Variants in ACAA1 observed in about 807,000 individuals in gnomAD.
ACAA1 encodes the protein 3-ketoacyl-CoA thiolase, peroxisomal.
ACAA1 carries 44 observed loss-of-function variants against 48.8 expected under a neutral mutation model. That is an observed-to-expected ratio of 0.90 (90% CI 0.71 to 1.16). The LOEUF is 1.16. ACAA1 is among the 50% of genes most tolerant of loss of function. The pLI is 0.00. For missense variants in ACAA1, 512 were observed against 562.3 expected (o/e 0.91, Z 0.90); for synonymous variants, 233 against 226.5 (o/e 1.03, Z -0.26).
In ACAA1 at chr3:38,131,908, C is replaced by T; in HGVS notation, c.403+18G>A. 6.2e-7 allele frequency: 1 copy of T among 1,609,652 alleles called. No individual in the cohort carries two copies. Among genetic ancestry groups the T allele is most frequent in the Non-Finnish European group, 8.5e-7 (1 of 1,176,132 alleles). ...CCCACAGGTCCAGGACCAAGGCACC[C>T]ACCCAGTCATAACTTACCTGCTATG... On this transcript the variant is annotated intron_variant, in intron 4 of 11. Coordinates refer to ENST00000333167, the MANE Select transcript of ACAA1 (RefSeq NM_001607.4).
chr3:38,130,225 T>C (rs1027569325), intron 5 of ACAA1, among the ~76,000 whole-genome samples: 3 of 152,220 alleles, frequency 2.0e-5, no homozygotes, highest in Non-Finnish European at 4.4e-5. Context: ...ACAGATAACC[T>C]TGACTGAGTG....
intron 2 of ACAA1, 59 bp downstream of exon 2, chr3:38,136,533 G>A (rs1559480596): frequency 1.9e-6 from 3 of 1,592,814 alleles, no homozygotes; most frequent in African/African-American, 1.3e-5. Flanking sequence ...GGTGAGGAGA[G>A]CTCTGGACGA....
rs773070608 is a variant in ACAA1, at chr3:38,127,819, T to G, written c.593A>C (p.Lys198Thr). ...GGAAGCCAGGGCAAAGGTATCCTGC[T>G]TCTCCCGTGAAATGCCAAACCGCTC... ...VAERFGISRE[K>T]QDTFALASQQ... Residue 198 changes from lysine to threonine, a missense_variant, in exon 7 of 12, where the codon AAG becomes ACG. By Grantham distance (78) the Lys-to-Thr change is moderately conservative (BLOSUM62 -1). Transcript: ENST00000333167. 23 of 1,614,220 alleles carry G rather than the reference T, an allele frequency of 1.4e-5. No individual in the cohort carries two copies. In the South Asian group the frequency reaches 2.2e-4, roughly 15 times the overall value.
intron 5 of ACAA1, among the ~76,000 whole-genome samples, chr3:38,130,036 T>C (rs1700755918): frequency 6.6e-6 from 1 of 152,168 alleles, no homozygotes; most frequent in East Asian, 1.9e-4. Flanking sequence ...CGAGACTCTG[T>C]CTCAAAAACA....
chr3:38,131,523 C>A lies in ACAA1; in HGVS notation c.446+73G>T, dbSNP rs533577749. On this transcript the variant is annotated intron_variant, in intron 5 of 11. Coordinates refer to ENST00000333167, the MANE Select transcript of ACAA1 (RefSeq NM_001607.4). ...GGGGGGAATCCTGAAATCATGGCCT[C>A]TGAGAACTCAGATGAAAATTAGTTT... 5.4e-5 allele frequency: 82 copies of A among 1,514,740 alleles called. 1 individual carries two copies. The highest frequency in any genetic ancestry group is 9.2e-7 in the Non-Finnish European group (1 of 1,089,580). The allele number at this position is 1,514,740 out of a possible 1,614,324, so 93.8% of individuals were successfully genotyped here. A position where few individuals can be genotyped will look rare whatever the true frequency, so the allele number is the denominator to read the frequency against.
Position 38,132,003 on chromosome 3 carries a change from T to C in ACAA1, c.326A>G (p.Asp109Gly). The C allele has an allele frequency of 6.2e-7, 1 of 1,613,090 alleles. No individual in the cohort carries two copies. The highest frequency in any genetic ancestry group is 8.5e-7 in the Non-Finnish European group (1 of 1,179,196). Residue 109 changes from aspartate to glycine, a missense_variant and splice_region_variant, in exon 4 of 12, where the codon GAC becomes GGC. Coordinates refer to ENST00000333167, the MANE Select transcript of ACAA1 (RefSeq NM_001607.4). ...GGACAAAGGCACAGTCTCCGGGATG[T>C]CACTGAAACAGAAGGTGAGAAAGTA... ...IMARIAQFLSDIPETVPLSTV... is the reference protein window; with the variant it reads ...IMARIAQFLSGIPETVPLSTV...
chr3:38,125,766 G>T, intron 10 of ACAA1, 56 bp from the exon 11 acceptor site: 2 of 1,614,034 alleles, frequency 1.2e-6, no homozygotes, highest in Non-Finnish European at 1.7e-6. Context: ...TGCACCACCT[G>T]CCCGCTCACT....
intron 11 of ACAA1, chr3:38,124,442 C>T (rs1700629676): frequency 6.6e-6 from 1 of 152,148 alleles, no homozygotes; most frequent in Admixed American, 6.5e-5. Context: ...CCTGTCTCTA[C>T]AAAAAATACG....
In ACAA1 at chr3:38,126,172, C is replaced by T; in HGVS notation, c.987G>A (p.Leu329=). Residue 329 remains leucine, a synonymous_variant, in exon 9 of 12, where the codon TTG becomes TTA. Transcript: ENST00000333167. This position sits in a 1 kb window ranked among gnomAD's most constrained non-coding sequence, Gnocchi z 4.7. ...IGPAYAIPVA[L]QKAGLTVSDV... ...AAGGAGCCACCTTACCTGCTTTTTG[C>T]AAAGCTACTGGGATGGCATAGGCAG... 1 of 1,612,182 alleles carries T rather than the reference C, an allele frequency of 6.2e-7. No homozygotes were observed. Among genetic ancestry groups the T allele is most frequent in the Middle Eastern group, 1.7e-4 (1 of 6,046 alleles).
intron 7 of ACAA1, among the ~76,000 whole-genome samples, chr3:38,127,476 C>T (rs1304995389): frequency 2.6e-5 from 4 of 152,192 alleles, no homozygotes; most frequent in African/African-American, 7.2e-5. Context: ...GAGTCCCTAA[C>T]ATTGCTGGCC....
At chr3:38,134,755 G>T (rs1020843152) in intron 2 of ACAA1, among the ~76,000 whole-genome samples, 1 of 152,152 alleles carries the variant, frequency 6.6e-6, no homozygotes, top group Non-Finnish European at 1.5e-5. Context: ...ATTAACCAGG[G>T]ACATGATGCA....
chr3:38,129,408 G>C lies in ACAA1; in HGVS notation c.447-20C>G. 1 of 1,598,310 alleles carries C rather than the reference G, an allele frequency of 6.3e-7. No homozygotes were observed. Among genetic ancestry groups the C allele is most frequent in the South Asian group, 1.1e-5 (1 of 90,758 alleles). ...TCCACCCTGGGGAGGAGGAAGAGGA[G>C]GAGAAGGTAAGGTGAACTGGGCCCT... On this transcript the variant is annotated intron_variant, in intron 5 of 11. Coordinates refer to ENST00000333167, the MANE Select transcript of ACAA1 (RefSeq NM_001607.4). The surrounding 1 kb of genome is among the most constrained non-coding windows in gnomAD (Gnocchi z 5.3).
chr3:38,134,990 A>G (rs1380005798), intron 2 of ACAA1, among the ~76,000 whole-genome samples: 4 of 152,130 alleles, frequency 2.6e-5, no homozygotes, highest in African/African-American at 4.8e-5. Flanking sequence ...AAAGCCGACT[A>G]TTGGTTCTAT....
At chr3:38,128,670 C>T (rs1559476835) in intron 6 of ACAA1, among the ~76,000 whole-genome samples, 3 of 152,194 alleles carry the variant, frequency 2.0e-5, no homozygotes, top group Non-Finnish European at 2.9e-5. Flanking sequence ...CAGCTCACTG[C>T]AACCTCTGCC....
chr3:38,132,896 C>T (rs1406759676), intron 3 of ACAA1, among the ~76,000 whole-genome samples: 1 of 152,154 alleles, frequency 6.6e-6, no homozygotes, highest in Non-Finnish European at 1.5e-5. Flanking sequence ...CTCAATCCAC[C>T]AAGTGTTCAC....
chr3:38,127,830 A>G lies in ACAA1; in HGVS notation c.582T>C (p.Ile194=), dbSNP rs1443767217. 1.2e-6 allele frequency: 2 copies of G among 1,614,046 alleles called. No homozygotes were observed. ...TSENVAERFG[I]SREKQDTFAL... Reference sequence around the variant, plus strand: ...CAAAGGTATCCTGCTTCTCCCGTGAAATGCCAAACCGCTCAGCCACATTCT... The same window carrying G: ...CAAAGGTATCCTGCTTCTCCCGTGAGATGCCAAACCGCTCAGCCACATTCT... Residue 194 remains isoleucine, a synonymous_variant, in exon 7 of 12, where the codon ATT becomes ATC. Coordinates refer to ENST00000333167, the MANE Select transcript of ACAA1 (RefSeq NM_001607.4).
At chr3:38,125,260 T>G in intron 11 of ACAA1, 1 of 250,376 alleles carries the variant, frequency 4.0e-6, no homozygotes, top group Non-Finnish European at 7.6e-6. Flanking sequence ...GAGATTGTGA[T>G]TTTTGGGATT....
Position 38,129,288 on chromosome 3 carries a change from A to G in ACAA1, c.545+2T>C. 6.2e-7 allele frequency: 1 copy of G among 1,611,082 alleles called. No individual in the cohort carries two copies. Among genetic ancestry groups the G allele is most frequent in the Non-Finnish European group, 8.5e-7 (1 of 1,177,366 alleles). On this transcript the variant is annotated splice_donor_variant, in intron 6 of 11. Transcript: ENST00000333167. LOFTEE classifies it high-confidence loss of function. The surrounding 1 kb of genome is among the most constrained non-coding windows in gnomAD (Gnocchi z 5.3). Reference sequence around the variant, plus strand: ...AGCACACAGAGCTATGGGAGCACTCACCCCATAGGAATCAGGCAATCTCTG... The same window carrying G: ...AGCACACAGAGCTATGGGAGCACTCGCCCCATAGGAATCAGGCAATCTCTG...
rs1700660941 is a variant in ACAA1 at position 38,125,643 on chromosome 3, G to C, written c.1121C>G (p.Ala374Gly). 8 of 1,599,352 alleles carry C rather than the reference G, an allele frequency of 5.0e-6. No homozygotes were observed. Among genetic ancestry groups the C allele is most frequent in the Non-Finnish European group, 6.8e-6 (8 of 1,171,808 alleles). Residue 374 changes from alanine to glycine, a missense_variant, in exon 11 of 12, where the codon GCC becomes GGC. Coordinates refer to ENST00000333167, the MANE Select transcript of ACAA1 (RefSeq NM_001607.4). The stretch of plus-strand genomic sequence containing the variant: ...AGTGCAGCCCAGTGGGTGCCCTAAG[G>C]CCACTGCACCCCCCAGGGGGTTCAC... ...EKVNPLGGAV[A>G]LGHPLGCTGA...
Sources: gnomAD v4.1 joint callset for allele counts (sites outside exome capture counted in the v4.1 genomes callset) on GRCh38, gnomAD v4.1.1 for gene constraint, Gnocchi (gnomAD v3.1) non-coding constraint, MANE v1.5 for transcripts, NCBI Gene and HGNC (gene_info 2026-07-23, HGNC 2026-07-21) for gene names.